PCDHA12: variants seen among roughly 807,000 people sequenced by gnomAD.
PCDHA12 encodes the protein protocadherin alpha 12, also known as protocadherin alpha-12.
PCDHA12 carries 44 observed loss-of-function variants against 60.0 expected under a neutral mutation model. The observed-to-expected ratio is 0.73, with a 90% CI of 0.58 to 0.94. PCDHA12 has a LOEUF of 0.94. PCDHA12 is among the 40% of genes least tolerant of loss of function. The pLI, the probability that PCDHA12 is intolerant of heterozygous loss-of-function variation, is 0.00. For missense variants in PCDHA12, 1,276 were observed against 1,239.7 expected (o/e 1.03, Z -0.44); for synonymous variants, 569 against 553.0 (o/e 1.03, Z -0.40).
chr5:140,968,025 C>T lies in PCDHA12; in HGVS notation c.2368-10924C>T, dbSNP rs782679458. ...CTGAATGGCTTTGGAAACTCCTATA[C>T]ACTGGTGGTGAGCGGCCCACTGGAC... On this transcript the variant is annotated intron_variant, in intron 1 of 3. Coordinates refer to ENST00000398631, the MANE Select transcript of PCDHA12 (RefSeq NM_018903.4). 4.3e-6 allele frequency: 7 copies of T among 1,614,200 alleles called. No individual in the cohort carries two copies. In the South Asian group the frequency reaches 6.6e-5, roughly 15 times the overall value.
chr5:140,990,783 G>A (rs932115900), intron 3 of PCDHA12, among the ~76,000 whole-genome samples: 5 of 152,170 alleles, frequency 3.3e-5, no homozygotes, highest in African/African-American at 7.2e-5. Flanking sequence ...TGTGTTGGAC[G>A]ATGAACCATG....
intron 3 of PCDHA12, among the ~76,000 whole-genome samples, chr5:141,002,682 G>C (rs536105955): frequency 6.6e-6 from 1 of 152,140 alleles, no homozygotes; most frequent in African/African-American, 2.4e-5. Context: ...CCTATACGAC[G>C]TGCAGATTTG....
rs114410083 is a variant in PCDHA12, at chr5:140,927,323, C to T, written c.2367+49484C>T. 1,487 of 1,614,220 alleles carry T rather than the reference C, an allele frequency of 9.2e-4. 8 individuals are homozygous for T. In the African/African-American group the frequency reaches 0.018, roughly 19 times the overall value. ...TTCCTGACGCCCGGAGCCCGCTTTA[C>T]TCTCCCGAATGCCCAAGATGACGAC... On this transcript the variant is annotated intron_variant, in intron 1 of 3. Coordinates refer to ENST00000398631, the MANE Select transcript of PCDHA12 (RefSeq NM_018903.4).
intron 3 of PCDHA12, among the ~76,000 whole-genome samples, chr5:141,007,733 C>A (rs2098343034): frequency 6.6e-6 from 1 of 152,180 alleles, no homozygotes; most frequent in African/African-American, 2.4e-5. Flanking sequence ...CAAAGGTTAA[C>A]CACTGAAGAT....
chr5:141,000,421 A>ATAT (rs1265241806), intron 3 of PCDHA12, among the ~76,000 whole-genome samples: 11 of 27,980 alleles, frequency 3.9e-4, no homozygotes, highest in South Asian at 1.9e-3. Flanking sequence ...ATATATATAT[A>ATAT]TTTTTTTTTT....
At chr5:141,004,188 TA>T (rs1391411358) in intron 3 of PCDHA12, among the ~76,000 whole-genome samples, 5 of 152,260 alleles carry the variant, frequency 3.3e-5, no homozygotes, top group African/African-American at 1.2e-4. Flanking sequence ...TGAGTGCTCT[TA>T]ACCAAAAGGA....
intron 1 of PCDHA12, among the ~76,000 whole-genome samples, chr5:140,906,117 C>A (rs1554192403): frequency 6.6e-6 from 1 of 152,180 alleles, no homozygotes; most frequent in Non-Finnish European, 1.5e-5. Flanking sequence ...AGTCCACTGA[C>A]ACAAATGTTA....
intron 1 of PCDHA12, among the ~76,000 whole-genome samples, chr5:140,896,577 G>A (rs1273423445): frequency 4.7e-5 from 7 of 149,554 alleles, no homozygotes; most frequent in African/African-American, 1.7e-4. Context: ...GGGTTTTGAC[G>A]TGTTGGCCAG....
chr5:140,927,256 C>T, intron 1 of PCDHA12: 1 of 1,614,144 alleles, frequency 6.2e-7, no homozygotes, highest in Non-Finnish European at 8.5e-7. Context: ...TGACAACTCA[C>T]CTCTCTTTCC....
chr5:140,943,719 T>G (rs1198620937), intron 1 of PCDHA12, among the ~76,000 whole-genome samples: 2 of 152,126 alleles, frequency 1.3e-5, no homozygotes, highest in African/African-American at 4.8e-5. Context: ...TTTAAAGGTC[T>G]GAGAGAATGA....
At chr5:140,938,125 A>G (rs1339364898) in intron 1 of PCDHA12, among the ~76,000 whole-genome samples, 1 of 152,120 alleles carries the variant, frequency 6.6e-6, no homozygotes, top group Admixed American at 6.5e-5. Context: ...TTTTTTAAAA[A>G]AATAGAGATA....
chr5:140,987,120 A>G (rs1224513029), intron 3 of PCDHA12, among the ~76,000 whole-genome samples: 9 of 151,956 alleles, frequency 5.9e-5, no homozygotes, highest in African/African-American at 2.2e-4. Context: ...AGGCTGAGGC[A>G]GGAGAATTGC....
Position 140,968,215 on chromosome 5 carries a change from G to T in PCDHA12, c.2368-10734G>T, listed in dbSNP as rs782676713. The stretch of plus-strand genomic sequence containing the variant: ...CCATCTACATACAGGAGAACAATTT[G>T]CCAGGTGTGTTGCTCTGTACTGTGC... On this transcript the variant is annotated intron_variant, in intron 1 of 3. Transcript: ENST00000398631. 3.1e-6 allele frequency: 5 copies of T among 1,613,862 alleles called. No homozygotes were observed. In the East Asian group the frequency reaches 1.1e-4, roughly 36 times the overall value.
At chr5:141,001,997 CA>C (rs1587968703) in intron 3 of PCDHA12, among the ~76,000 whole-genome samples, 1 of 152,190 alleles carries the variant, frequency 6.6e-6, no homozygotes, top group Admixed American at 6.5e-5. Flanking sequence ...AGTTCACTTG[CA>C]AACACAGAAT....
intron 3 of PCDHA12, among the ~76,000 whole-genome samples, chr5:140,999,527 C>G (rs578180518): frequency 6.6e-6 from 1 of 152,088 alleles, no homozygotes; most frequent in Non-Finnish European, 1.5e-5. Context: ...TTGTTACCCC[C>G]TGGATATGAC....
chr5:140,921,925 G>A (rs895157006), intron 1 of PCDHA12, among the ~76,000 whole-genome samples: 2 of 151,816 alleles, frequency 1.3e-5, no homozygotes, highest in African/African-American at 4.8e-5. Flanking sequence ...AAAACTTATA[G>A]TCAATATAAT....
At chr5:140,932,349 C>A (rs2088248613) in intron 1 of PCDHA12, among the ~76,000 whole-genome samples, 1 of 151,900 alleles carries the variant, frequency 6.6e-6, no homozygotes, top group Admixed American at 6.6e-5. Flanking sequence ...ACTTACCATA[C>A]AACTGGCCTT....
rs550922282 is a variant in PCDHA12, at chr5:140,927,864, T to C, written c.2367+50025T>C. On this transcript the variant is annotated intron_variant, in intron 1 of 3. Transcript: ENST00000398631. The stretch of plus-strand genomic sequence containing the variant: ...GTGTCTTTGGTTTAGCTAGCACCGC[T>C]AAACTGCTGGTGGAGGTGACTGACG... The C allele has an allele frequency of 6.8e-6, 11 of 1,614,200 alleles. No homozygotes were observed. In the South Asian group the frequency reaches 1.2e-4, roughly 18 times the overall value.
chr5:140,989,788 G>A (rs2097360346), intron 3 of PCDHA12, among the ~76,000 whole-genome samples: 2 of 152,158 alleles, frequency 1.3e-5, no homozygotes, highest in Admixed American at 1.3e-4. Context: ...GAGACTAGAG[G>A]CCCCCAGGAA....
Sources: allele counts gnomAD v4.1 joint callset (sites outside exome capture counted in the v4.1 genomes callset), GRCh38; gene constraint gnomAD v4.1.1; transcripts MANE v1.5; gene names NCBI Gene and HGNC (gene_info 2026-07-23, HGNC 2026-07-21).